CSMD3: variants seen among roughly 807,000 people sequenced by gnomAD.
The protein encoded by CSMD3 is CUB and Sushi multiple domains 3.
In CSMD3, 177 loss-of-function variants were observed where a neutral mutation model predicts 435.2. The observed-to-expected ratio is 0.41, with a 90% CI of 0.36 to 0.46. The LOEUF is 0.46. CSMD3 is among the 20% of genes least tolerant of loss of function. The pLI is 0.34. For synonymous variants in CSMD3, 1,656 were observed against 1,520.5 expected (o/e 1.09, Z -2.07); for missense variants, 4,265 against 4,504.6 (o/e 0.95, Z 1.52).
chr8:112,294,121 T>C (rs993721120), intron 54 of CSMD3, among the ~76,000 whole-genome samples: 9 of 152,084 alleles, frequency 5.9e-5, no homozygotes, highest in Non-Finnish European at 2.9e-5. Context: ...GTGATTTTCA[T>C]TGTCAGCTAG....
intron 7 of CSMD3, among the ~76,000 whole-genome samples, chr8:112,964,790 A>G (rs961146127): frequency 6.6e-6 from 1 of 151,978 alleles, no homozygotes; most frequent in Admixed American, 6.6e-5. Context: ...AGAATAATTT[A>G]AATAAAGAGA....
chr8:112,962,717 G>A (rs1273249140), intron 7 of CSMD3, among the ~76,000 whole-genome samples: 2 of 151,840 alleles, frequency 1.3e-5, no homozygotes, highest in Non-Finnish European at 2.9e-5. Flanking sequence ...TTAATGCAGT[G>A]TTTTACTGCT....
At chr8:112,957,747 G>A (rs2084079805) in intron 7 of CSMD3, among the ~76,000 whole-genome samples, 1 of 149,262 alleles carries the variant, frequency 6.7e-6, no homozygotes, top group African/African-American at 2.5e-5. Flanking sequence ...GCTCCCGGGC[G>A]TGTTTGTGTG....
At chr8:112,810,928 C>T (rs961639571) in intron 12 of CSMD3, among the ~76,000 whole-genome samples, 8 of 151,872 alleles carry the variant, frequency 5.3e-5, no homozygotes, top group Admixed American at 2.6e-4. Context: ...AAAGTATAAG[C>T]AATGTAGATA....
At chr8:112,664,146 A>G (rs998181960) in intron 17 of CSMD3, among the ~76,000 whole-genome samples, 3 of 152,202 alleles carry the variant, frequency 2.0e-5, no homozygotes, top group Admixed American at 1.3e-4. Context: ...GTCCAAAACA[A>G]GAAATACGAA....
intron 22 of CSMD3, among the ~76,000 whole-genome samples, chr8:112,620,935 A>G (rs911224914): frequency 1.3e-5 from 2 of 152,188 alleles, no homozygotes; most frequent in Non-Finnish European, 2.9e-5. Flanking sequence ...AGAAAATGTA[A>G]CATAAAAACA....
At chr8:113,165,030 T>C (rs1476833365) in intron 4 of CSMD3, among the ~76,000 whole-genome samples, 1 of 152,152 alleles carries the variant, frequency 6.6e-6, no homozygotes, top group African/African-American at 2.4e-5. Context: ...CAGATGGTCA[T>C]TGCTGTGGTT....
At chr8:113,138,810 A>AGTGTGTGTGTGTGT (rs34755068) in intron 4 of CSMD3, among the ~76,000 whole-genome samples, 390 of 145,736 alleles carry the variant, frequency 2.7e-3, no homozygotes, top group African/African-American at 9.2e-3. Context: ...TAAACGTGTT[A>AGTGTGTGTGTGTGT]GTGTGTGTGT....
chr8:112,628,621 AG>A, intron 22 of CSMD3, among the ~76,000 whole-genome samples: 1 of 152,328 alleles, frequency 6.6e-6, no homozygotes, highest in South Asian at 2.1e-4. Context: ...GTGGAAGTAA[AG>A]GAGTTTTGTC....
chr8:113,358,361 CT>C (rs536368429), intron 1 of CSMD3, among the ~76,000 whole-genome samples: 3 of 151,344 alleles, frequency 2.0e-5, no homozygotes, highest in Non-Finnish European at 1.5e-5. Context: ...AAATAGGAAA[CT>C]TTTTTTTTGA....
intron 35 of CSMD3, among the ~76,000 whole-genome samples, chr8:112,401,237 T>C (rs896577670): frequency 2.0e-5 from 3 of 152,084 alleles, no homozygotes; most frequent in African/African-American, 7.2e-5. Flanking sequence ...ATAAAATTTA[T>C]AGTCTCATAT....
At chr8:112,478,956 G>C (rs960587597) in intron 31 of CSMD3, among the ~76,000 whole-genome samples, 3 of 152,110 alleles carry the variant, frequency 2.0e-5, no homozygotes, top group Non-Finnish European at 4.4e-5. Flanking sequence ...AGAACTGCCC[G>C]ACTGTGAGAT....
chr8:113,384,298 A>G (rs182075487), intron 1 of CSMD3, among the ~76,000 whole-genome samples: 4 of 152,302 alleles, frequency 2.6e-5, no homozygotes, highest in East Asian at 1.9e-4. Context: ...CACTCAAAAT[A>G]TGTTTAATAA....
intron 1 of CSMD3, among the ~76,000 whole-genome samples, chr8:113,428,412 C>T (rs2094649904): frequency 6.6e-6 from 1 of 151,648 alleles, no homozygotes; most frequent in Admixed American, 6.6e-5. Context: ...GCTTATGAAT[C>T]TATTATCCTT....
chr8:113,284,500 T>C (rs1328227427), intron 2 of CSMD3, among the ~76,000 whole-genome samples: 3 of 152,200 alleles, frequency 2.0e-5, no homozygotes, highest in Non-Finnish European at 4.4e-5. Flanking sequence ...GTTTTCCCCA[T>C]GTTAACCTCA....
intron 63 of CSMD3, among the ~76,000 whole-genome samples, chr8:112,248,032 G>A (rs1362826079): frequency 6.6e-6 from 1 of 151,838 alleles, no homozygotes; most frequent in Non-Finnish European, 1.5e-5. Flanking sequence ...GGGAAGCAGG[G>A]GTATATAGTA....
At chr8:112,895,183 C>T (rs1481521452) in intron 10 of CSMD3, among the ~76,000 whole-genome samples, 2 of 151,144 alleles carry the variant, frequency 1.3e-5, no homozygotes, top group East Asian at 3.9e-4. Flanking sequence ...AGTTTATATA[C>T]TAATGAGAGA....
At chr8:113,237,771 C>T (rs2093166373) in intron 3 of CSMD3, among the ~76,000 whole-genome samples, 1 of 152,088 alleles carries the variant, frequency 6.6e-6, no homozygotes, top group Non-Finnish European at 1.5e-5. Context: ...AAAAATATAA[C>T]AATGTTTATC....
At chr8:113,277,801 T>G (rs190052077) in intron 3 of CSMD3, among the ~76,000 whole-genome samples, 86 of 152,048 alleles carry the variant, frequency 5.7e-4, no homozygotes, top group African/African-American at 1.9e-3. Context: ...AGATAAGAAA[T>G]GATAAGTCCA....
Sources: allele counts gnomAD v4.1 joint callset (sites outside exome capture counted in the v4.1 genomes callset), GRCh38; gene constraint gnomAD v4.1.1; transcripts MANE v1.5; gene names NCBI Gene and HGNC (gene_info 2026-07-23, HGNC 2026-07-21).